The following MGST2 variants were observed in gnomAD, a reference collection of about 807,000 sequenced individuals.
The protein encoded by MGST2 is glutathione peroxidase MGST2.
In MGST2, 9 loss-of-function variants were observed where a neutral mutation model predicts 16.6. The ratio of observed to expected loss-of-function variants is 0.54; its 90% CI spans 0.33 to 0.95. MGST2 has a LOEUF of 0.95. Among genes scored for constraint, MGST2 ranks in the 40% least tolerant of loss-of-function variants. The probability of loss-of-function intolerance (pLI) is 0.03; values close to 1 mark genes in which losing one functional copy is unlikely to be tolerated. For synonymous variants in MGST2, 79 were observed against 68.0 expected (o/e 1.16, Z -0.79); for missense variants, 159 against 175.1 (o/e 0.91, Z 0.52).
At chr4:139,704,648 C>T (rs1196406842), downstream of MGST2, among the ~76,000 whole-genome samples, 2 of 152,140 alleles carry the variant, frequency 1.3e-5, no homozygotes, top group South Asian at 2.1e-4. Flanking sequence ...GAAGGCTGGG[C>T]GTGGTGGCTC....
chr4:139,745,033 G>A (rs902700240), downstream of MGST2, among the ~76,000 whole-genome samples: 1 of 152,176 alleles, frequency 6.6e-6, no homozygotes, highest in Non-Finnish European at 1.5e-5. Flanking sequence ...GTTTCTACTC[G>A]CTCTAACATT....
chr4:139,728,565 A>G (rs139413446), intron 5 of MGST2, among the ~76,000 whole-genome samples: 1 of 152,336 alleles, frequency 6.6e-6, no homozygotes, highest in Non-Finnish European at 1.5e-5. Context: ...AAAAGAACGG[A>G]CAAATCTTGG....
chr4:139,678,509 C>T, intron 1 of MGST2, 34 bp from the exon 2 acceptor site: 1 of 1,519,630 alleles, frequency 6.6e-7, no homozygotes. Context: ...ATGACGTGCC[C>T]CATCTTTAAC....
chr4:139,680,173 C>T (rs1450322279), intron 2 of MGST2, among the ~76,000 whole-genome samples: 1 of 152,144 alleles, frequency 6.6e-6, no homozygotes, highest in Non-Finnish European at 1.5e-5. Context: ...CTTTTCCTTA[C>T]CTCATCCTTC....
intron 3 of MGST2, among the ~76,000 whole-genome samples, chr4:139,695,865 G>T (rs1726891346): frequency 1.3e-5 from 2 of 152,152 alleles, no homozygotes; most frequent in African/African-American, 4.8e-5. Context: ...CAATGGAGGG[G>T]TTGGGGTGCT....
chr4:139,730,528 T>C, intron 5 of MGST2: 3 of 1,567,456 alleles, frequency 1.9e-6, no homozygotes, highest in Non-Finnish European at 1.7e-6. Flanking sequence ...GAGCATCTGC[T>C]TCATGATGGC....
downstream of MGST2, among the ~76,000 whole-genome samples, chr4:139,706,417 A>G (rs1271002395): frequency 6.6e-6 from 1 of 152,216 alleles, no homozygotes; most frequent in Non-Finnish European, 1.5e-5. Flanking sequence ...AATAGGGCAA[A>G]TATGCTAAAA....
chr4:139,730,939 A>T, intron 5 of MGST2: 1 of 479,652 alleles, frequency 2.1e-6, no homozygotes, highest in East Asian at 3.3e-5. Flanking sequence ...TGACTATTGC[A>T]TATAGACTGG....
At chr4:139,740,099 T>A (rs1288882627) in intron 5 of MGST2, 1 of 152,096 alleles carries the variant, frequency 6.6e-6, no homozygotes, top group Non-Finnish European at 1.5e-5. Flanking sequence ...CACAAAGAGC[T>A]CCTAAGTCCC....
chr4:139,669,270 G>A (rs1037141514), intron 1 of MGST2, among the ~76,000 whole-genome samples: 1 of 152,050 alleles, frequency 6.6e-6, no homozygotes, highest in African/African-American at 2.4e-5. Context: ...TGTGTAAGAG[G>A]GAGACAGAGA....
intron 1 of MGST2, among the ~76,000 whole-genome samples, chr4:139,669,759 T>G (rs1224246163): frequency 3.3e-5 from 5 of 152,226 alleles, no homozygotes; most frequent in Non-Finnish European, 7.3e-5. Context: ...TGACAATTTA[T>G]TTTAATATGC....
At chr4:139,678,466 T>C (rs947984604) in intron 1 of MGST2, 77 bp from the exon 2 acceptor site, 18 of 1,031,508 alleles carry the variant, frequency 1.7e-5, no homozygotes, top group African/African-American at 1.6e-4. Flanking sequence ...TACTATCTAA[T>C]TGTGATTTAA....
chr4:139,672,886 T>C (rs1279535454), intron 1 of MGST2, among the ~76,000 whole-genome samples: 1 of 152,142 alleles, frequency 6.6e-6, no homozygotes, highest in East Asian at 1.9e-4. Context: ...TCAGTGACAA[T>C]GTTTAAATCC....
the MGST2 span, among the ~76,000 whole-genome samples, chr4:139,754,469 G>C: frequency 2.6e-5 from 4 of 152,140 alleles, no homozygotes; most frequent in Non-Finnish European, 5.9e-5. Flanking sequence ...ATTGTATAAA[G>C]CTGTTATCAT....
chr4:139,720,781 C>T (rs1189314903), intron 5 of MGST2, among the ~76,000 whole-genome samples: 1 of 152,172 alleles, frequency 6.6e-6, no homozygotes, highest in African/African-American at 2.4e-5. Context: ...AGAGAGAATC[C>T]ACCTCTGGGG....
chr4:139,727,600 G>T (rs902555123), intron 5 of MGST2, among the ~76,000 whole-genome samples: 1 of 152,148 alleles, frequency 6.6e-6, no homozygotes, highest in African/African-American at 2.4e-5. Context: ...AAAATGATGG[G>T]ACTTCATGAT....
At chr4:139,703,985 G>A (rs747651422) in intron 4 of MGST2, 31 bp from the exon 5 acceptor site, 16 of 1,613,778 alleles carry the variant, frequency 9.9e-6, no homozygotes, top group African/African-American at 2.7e-5. Context: ...AGTCCAGTTT[G>A]TCACTTTTCT....
At position 139,712,959 on chromosome 4, in the gene MGST2, A is replaced by G. The variant is rs181363584; in HGVS notation, c.*48+8763A>G. On this transcript the variant is annotated intron_variant, in intron 5 of 5. Transcript: ENST00000616265. ...TAAGAATACTCACAACTAATTTCCA[A>G]ATTCTGAAGTCAGGTTAGAGAGAAA... Among the ~76,000 whole-genome samples, 269 of 152,350 alleles carry G rather than the reference A, an allele frequency of 1.8e-3. 1 individual carries two copies. The highest frequency in any genetic ancestry group is 6.2e-3 in the South Asian group (30 of 4,824).
chr4:139,719,445 C>T (rs200398182), intron 5 of MGST2: 14 of 1,613,890 alleles, frequency 8.7e-6, no homozygotes, highest in African/African-American at 6.7e-5. Context: ...CCAGCTCCGT[C>T]GCCACTGTAA....
Sources: allele counts gnomAD v4.1 joint callset (sites outside exome capture counted in the v4.1 genomes callset), GRCh38; gene constraint gnomAD v4.1.1; transcripts MANE v1.5; gene names NCBI Gene and HGNC (gene_info 2026-07-23, HGNC 2026-07-21).